Variants in CD69 observed in about 807,000 individuals in gnomAD.
CD69 encodes early activation antigen CD69.
Under a neutral mutation model 21.4 loss-of-function variants are expected in CD69, and 10 were observed. That is an observed-to-expected ratio of 0.47 (90% confidence interval 0.29 to 0.79). The LOEUF is 0.79. CD69 is among the 30% of genes least tolerant of loss of function. The pLI is 0.09. For missense variants in CD69, 204 were observed against 236.9 expected (o/e 0.86, Z 0.91); for synonymous variants, 63 against 78.2 (o/e 0.81, Z 1.03).
intron 1 of CD69, among the ~76,000 whole-genome samples, chr12:9,758,532 C>T (rs1210034026): frequency 1.3e-5 from 2 of 151,992 alleles, no homozygotes; most frequent in Admixed American, 6.6e-5. Context: ...TACTGGTGTC[C>T]ACATCAACTT....
In CD69 at chr12:9,756,384, C is replaced by T; in HGVS notation, c.100G>A (p.Glu34Lys). Residue 34 changes from glutamate to lysine, a missense_variant, in exon 2 of 5, where the codon GAA (glutamate) becomes AAA (lysine). Transcript: ENST00000228434. ...AGGACAGGAACTTGGAAGGACCCTT[C>T]ATGACGTGTTGAGAAATGGGGACTG... ...ATSPHFSTRH[E>K]GSFQVPVLCA... The T allele has an allele frequency of 6.2e-7, 1 of 1,613,704 alleles. No individual in the cohort carries two copies. The highest frequency in any genetic ancestry group is 2.2e-5 in the East Asian group (1 of 44,856).
chr12:9,756,994 C>T (rs948653633), intron 1 of CD69, among the ~76,000 whole-genome samples: 7 of 152,042 alleles, frequency 4.6e-5, no homozygotes, highest in Admixed American at 3.3e-4. Context: ...GTGGGAGGAT[C>T]GCTTTAGCCT....
At chr12:9,758,269 GC>G (rs1866698278) in intron 1 of CD69, among the ~76,000 whole-genome samples, 1 of 152,052 alleles carries the variant, frequency 6.6e-6, no homozygotes, top group South Asian at 2.1e-4. Context: ...TTAAAATGCG[GC>G]CCCACAAGGA....
intron 1 of CD69, among the ~76,000 whole-genome samples, chr12:9,756,700 C>A (rs1057429540): frequency 7.2e-5 from 11 of 152,098 alleles, no homozygotes; most frequent in Admixed American, 4.6e-4. Context: ...CACTTAGTAA[C>A]TATGAAAATT....
At chr12:9,753,861 A>G (rs1290879345) in intron 4 of CD69, among the ~76,000 whole-genome samples, 2 of 152,214 alleles carry the variant, frequency 1.3e-5, no homozygotes, top group Non-Finnish European at 2.9e-5. Context: ...TTCTGAGTTC[A>G]TAGATTTTTC....
At chr12:9,758,240 G>T (rs921890352) in intron 1 of CD69, among the ~76,000 whole-genome samples, 44 of 152,150 alleles carry the variant, frequency 2.9e-4, no homozygotes, top group African/African-American at 1.1e-3. Flanking sequence ...TAATTTTGCA[G>T]GATGAGCTGT....
At chr12:9,758,521 G>T (rs1006816952) in intron 1 of CD69, among the ~76,000 whole-genome samples, 15 of 152,140 alleles carry the variant, frequency 9.9e-5, no homozygotes, top group African/African-American at 3.4e-4. Context: ...AATTTACTGG[G>T]TACTGGTGTC....
intron 4 of CD69, chr12:9,754,052 C>G (rs1361269394): frequency 6.5e-6 from 1 of 153,798 alleles, no homozygotes; most frequent in African/African-American, 2.4e-5. Context: ...TTATGATCAA[C>G]AGCAAACTTA....
intron 2 of CD69, chr12:9,755,963 A>G (rs746943684): frequency 1.1e-3 from 170 of 158,538 alleles, no homozygotes; most frequent in African/African-American, 3.9e-3. Context: ...AATGAATGTG[A>G]AGTTCACATT....
chr12:9,755,288 A>C lies in CD69; in HGVS notation c.188-27T>G, dbSNP rs201904159. 175 of 1,591,490 alleles carry C rather than the reference A, an allele frequency of 1.1e-4. 1 individual carries two copies. In the Admixed American group the frequency reaches 2.9e-3, roughly 26 times the overall value. ...TGTGAACAGAAAAATGCTTTGTTTT[A>C]GTAACAAAAGAAACCAAATACCCAC... On this transcript the variant is annotated intron_variant, in intron 2 of 4. Transcript: ENST00000228434.
chr12:9,753,543 CTG>C lies in CD69; in HGVS notation c.536_537del (p.Thr179ArgfsTer8). The stretch of plus-strand genomic sequence containing the variant: ...TTCTCACATTCCATGCTGCTGACCT[CTG>C]TGTTTTTCAGAAAAACACACTTGTC... ...GSDKCVFLKNTEVSSMECEKN... is the reference protein window; with the variant it reads ...GSDKCVFLKNXEVSSMECEKN... On this transcript the variant is annotated frameshift_variant, in exon 5 of 5. Coordinates refer to ENST00000228434, the MANE Select transcript of CD69 (RefSeq NM_001781.2). LOFTEE classifies it low-confidence loss of function (END_TRUNC). The C allele has an allele frequency of 6.3e-7, 1 of 1,591,232 alleles. No homozygotes were observed. The highest frequency in any genetic ancestry group is 8.6e-7 in the Non-Finnish European group (1 of 1,161,112).
chr12:9,754,932 C>T (rs1866665772), intron 3 of CD69, 130 bp downstream of exon 3: 10 of 798,934 alleles, frequency 1.3e-5, no homozygotes. Flanking sequence ...TCTGGGATGA[C>T]ATTTTCCTAC....
At chr12:9,759,954 G>A (rs1020269452) in intron 1 of CD69, among the ~76,000 whole-genome samples, 13 of 152,154 alleles carry the variant, frequency 8.5e-5, no homozygotes, top group African/African-American at 3.1e-4. Context: ...AAATTTCTAA[G>A]ATGATTATAT....
At chr12:9,755,563 G>A (rs1040497436) in intron 2 of CD69, among the ~76,000 whole-genome samples, 5 of 152,158 alleles carry the variant, frequency 3.3e-5, no homozygotes, top group Non-Finnish European at 7.4e-5. Flanking sequence ...TATTTCTTTG[G>A]ACTAGAAAGG....
In CD69 at chr12:9,756,292, C is replaced by A; in HGVS notation, c.187+5G>T. ...TTTGAAAGAATTGATGAAGTGTAGA[C>A]CCACCTGATAAGGCAATGAGAGCTA... On this transcript the variant is annotated splice_donor_5th_base_variant and intron_variant, in intron 2 of 4. Coordinates refer to ENST00000228434, the MANE Select transcript of CD69 (RefSeq NM_001781.2). The A allele has an allele frequency of 6.2e-7, 1 of 1,610,604 alleles. No homozygotes were observed. Among genetic ancestry groups the A allele is most frequent in the Non-Finnish European group, 8.5e-7 (1 of 1,178,062 alleles).
Position 9,760,765 on chromosome 12 carries a change from C to T in CD69, c.56G>A (p.Gly19Glu). 6.2e-7 allele frequency: 1 copy of T among 1,612,072 alleles called. No individual in the cohort carries two copies. The highest frequency in any genetic ancestry group is 8.5e-7 in the Non-Finnish European group (1 of 1,179,064). ...AATCAGATCTGACTTACTTTCTTGT[C>T]CACTCTCCGGATGCAAAGAGCTGTT... ...AENSSLHPES[G>E]QENDATSPHF... Residue 19 changes from glycine to glutamate, a missense_variant, in exon 1 of 5, where the codon GGA becomes GAA. Gly to Glu is a moderately conservative substitution (Grantham distance 98, BLOSUM62 -2). Coordinates refer to ENST00000228434, the MANE Select transcript of CD69 (RefSeq NM_001781.2).
intron 1 of CD69, 110 bp from the exon 2 acceptor site, chr12:9,756,529 G>T: frequency 1.1e-6 from 1 of 887,480 alleles, no homozygotes; most frequent in Non-Finnish European, 1.6e-6. Flanking sequence ...CTCATTATAT[G>T]AAATTTCCCC....
chr12:9,754,430 G>C, intron 4 of CD69, 157 bp downstream of exon 4: 1 of 530,928 alleles, frequency 1.9e-6, no homozygotes, highest in Non-Finnish European at 3.4e-6. Flanking sequence ...AATAAAGCCT[G>C]TTATTAAAGA....
rs1866639683 is a variant in CD69, at chr12:9,752,679, T to C, written c.*802A>G. 6.6e-6 allele frequency: 1 copy of C among 152,646 alleles called. No homozygotes were observed. 9.5% of individuals were successfully genotyped at this position (152,646 alleles called of 1,614,324 possible). A position where few individuals can be genotyped will look rare whatever the true frequency, so the allele number is the denominator to read the frequency against. On this transcript the variant is annotated 3_prime_UTR_variant, in exon 5 of 5. Coordinates refer to ENST00000228434, the MANE Select transcript of CD69 (RefSeq NM_001781.2). ...CTAGTATTATTCTAGGTCTGAAGAT[T>C]ACAGAATATTTCCTAATAGAGATTT... is the stretch of plus-strand genomic sequence containing the variant.
Sources: gnomAD v4.1 joint callset for allele counts (sites outside exome capture counted in the v4.1 genomes callset) on GRCh38, gnomAD v4.1.1 for gene constraint, MANE v1.5 for transcripts, NCBI Gene and HGNC (gene_info 2026-07-23, HGNC 2026-07-21) for gene names.